Variants in IFT74 observed in about 807,000 individuals in gnomAD.
IFT74 encodes intraflagellar transport protein 74 homolog.
IFT74 carries 92 observed loss-of-function variants against 96.7 expected under a neutral mutation model. The ratio of observed to expected loss-of-function variants is 0.95; its 90% confidence interval spans 0.80 to 1.13. The LOEUF (loss-of-function observed/expected upper bound fraction) is 1.13. Ranked by LOEUF, IFT74 falls within the 50% of genes most tolerant of loss-of-function variation. IFT74 has a pLI of 0.00. For synonymous variants in IFT74, 223 were observed against 213.2 expected (o/e 1.05, Z -0.40); for missense variants, 811 against 698.2 (o/e 1.16, Z -1.82).
intron 2 of IFT74, 146 bp downstream of exon 2, chr9:26,962,233 T>G (rs747334391): frequency 3.1e-6 from 2 of 651,144 alleles, no homozygotes; most frequent in Non-Finnish European, 5.2e-6. Flanking sequence ...ATCTGTTGAA[T>G]GCTTGTGCAT....
chr9:27,062,781 T>C lies in IFT74; in HGVS notation c.*45T>C, dbSNP rs1820486156. 9.1e-6 allele frequency: 9 copies of C among 993,924 alleles called. No homozygotes were observed. Among genetic ancestry groups the C allele is most frequent in the African/African-American group, 1.7e-5 (1 of 58,992 alleles). 61.6% of individuals were successfully genotyped at this position (993,924 alleles called of 1,614,324 possible). On this transcript the variant is annotated 3_prime_UTR_variant, in exon 20 of 20. Coordinates refer to ENST00000380062, the MANE Select transcript of IFT74 (RefSeq NM_025103.4). ...CTCTAAGGAAGTATCCTCTTGCTGC[T>C]AAACTTGGTACAAGTTGACTACCAA...
At chr9:26,973,466 G>C (rs1364568564) in intron 2 of IFT74, among the ~76,000 whole-genome samples, 3 of 152,100 alleles carry the variant, frequency 2.0e-5, no homozygotes, top group African/African-American at 7.2e-5. Context: ...TCTATTGGGG[G>C]AACTTGAAGT....
chr9:27,034,875 G>T (rs1248150001), intron 13 of IFT74, among the ~76,000 whole-genome samples: 2 of 152,182 alleles, frequency 1.3e-5, no homozygotes, highest in African/African-American at 4.8e-5. Flanking sequence ...AGAATGCCTG[G>T]ATTCAAATCC....
At chr9:26,991,832 C>G (rs536765512) in intron 8 of IFT74, among the ~76,000 whole-genome samples, 118 of 152,082 alleles carry the variant, frequency 7.8e-4, no homozygotes, top group African/African-American at 1.4e-3. Flanking sequence ...AGATCAAGAC[C>G]ATCCTGGCCA....
At chr9:27,024,735 G>A (rs1177581994) in intron 12 of IFT74, among the ~76,000 whole-genome samples, 1 of 151,668 alleles carries the variant, frequency 6.6e-6, no homozygotes, top group Non-Finnish European at 1.5e-5. Context: ...AGCAGAGAAA[G>A]GTGAAAACCA....
intron 16 of IFT74, among the ~76,000 whole-genome samples, chr9:27,055,123 A>G (rs552145585): frequency 2.6e-4 from 39 of 152,326 alleles, no homozygotes; most frequent in African/African-American, 7.9e-4. Flanking sequence ...TTTGGGAGCA[A>G]TAGTTCAATA....
chr9:26,985,425 TA>T (rs1827590304), intron 6 of IFT74, among the ~76,000 whole-genome samples: 1 of 152,124 alleles, frequency 6.6e-6, no homozygotes, highest in African/African-American at 2.4e-5. Flanking sequence ...CCTGCACATG[TA>T]CCCCTGAACC....
intron 11 of IFT74, 142 bp from the exon 12 acceptor site, chr9:27,018,505 G>A (rs1462752666): frequency 9.0e-6 from 4 of 442,858 alleles, no homozygotes; most frequent in Middle Eastern, 6.1e-4. Flanking sequence ...AACTTCAAAG[G>A]TTGAAATCTA....
At chr9:27,002,009 G>A (rs117921008) in intron 8 of IFT74, among the ~76,000 whole-genome samples, 1,545 of 151,870 alleles carry the variant, frequency 0.01, 14 homozygotes, top group Middle Eastern at 0.024. Flanking sequence ...CAGGATGCAC[G>A]TCTGGGGGGT....
chr9:26,985,482 G>A (rs1005170327), intron 6 of IFT74, among the ~76,000 whole-genome samples: 1 of 151,846 alleles, frequency 6.6e-6, no homozygotes, highest in Admixed American at 6.6e-5. Flanking sequence ...AACATTTGAT[G>A]AAAAAATATA....
chr9:27,008,954 G>A, intron 8 of IFT74, 66 bp from the exon 9 acceptor site: 2 of 1,276,042 alleles, frequency 1.6e-6, no homozygotes, highest in Non-Finnish European at 2.2e-6. Context: ...ACCATGACTT[G>A]TATAAAATAA....
Position 26,991,376 on chromosome 9 carries a change from A to G in IFT74, c.587+1181A>G, listed in dbSNP as rs533353643. Among the ~76,000 whole-genome samples the G allele has an allele frequency of 3.3e-5, 5 of 152,164 alleles. No individual in the cohort carries two copies. The East Asian group carries it at 7.7e-4, about 24-fold the overall frequency. ...GCTGAGACTACAGGTGCATGCCACT[A>G]TGCCCAGCTAATTTTTTGTTTCTTG... On this transcript the variant is annotated intron_variant, in intron 8 of 19. Transcript: ENST00000380062.
At chr9:26,981,805 T>C (rs1318271594) in intron 4 of IFT74, among the ~76,000 whole-genome samples, 1 of 151,576 alleles carries the variant, frequency 6.6e-6, no homozygotes, top group Non-Finnish European at 1.5e-5. Context: ...TCTCACTCTG[T>C]CGCCCAGGCT....
intron 8 of IFT74, among the ~76,000 whole-genome samples, chr9:27,008,515 C>T (rs1828895108): frequency 6.6e-6 from 1 of 151,934 alleles, no homozygotes; most frequent in African/African-American, 2.4e-5. Flanking sequence ...CCCGCCACCA[C>T]GTGTGGCTAA....
intron 16 of IFT74, among the ~76,000 whole-genome samples, chr9:27,054,777 T>C (rs1324111525): frequency 5.9e-5 from 9 of 152,222 alleles, no homozygotes; most frequent in Admixed American, 5.9e-4. Flanking sequence ...TCAGTTCTCA[T>C]ACTATAAAGA....
At chr9:27,037,908 C>T (rs1260277342) in intron 13 of IFT74, among the ~76,000 whole-genome samples, 1 of 152,218 alleles carries the variant, frequency 6.6e-6, no homozygotes, top group African/African-American at 2.4e-5. Context: ...TCACAGCCAT[C>T]CCTGATCTCT....
intron 19 of IFT74, among the ~76,000 whole-genome samples, chr9:27,061,856 G>A (rs1231619398): frequency 2.0e-5 from 3 of 152,080 alleles, no homozygotes; most frequent in East Asian, 3.9e-4. Flanking sequence ...CTACAAAGAT[G>A]ATACTTATGT....
At chr9:26,989,720 G>T (rs916512627) in intron 7 of IFT74, among the ~76,000 whole-genome samples, 2 of 152,132 alleles carry the variant, frequency 1.3e-5, no homozygotes, top group African/African-American at 4.8e-5. Flanking sequence ...TCTAGGCTGG[G>T]TGTGCACAGG....
At chr9:27,019,554 AAATT>A (rs2131622864) in intron 12 of IFT74, among the ~76,000 whole-genome samples, 2 of 151,774 alleles carry the variant, frequency 1.3e-5, no homozygotes, top group East Asian at 3.9e-4. Flanking sequence ...TTGGAAATAA[AAATT>A]AATAAAATAC....
Sources: allele counts gnomAD v4.1 joint callset (sites outside exome capture counted in the v4.1 genomes callset), GRCh38; gene constraint gnomAD v4.1.1; transcripts MANE v1.5; gene names NCBI Gene and HGNC (gene_info 2026-07-23, HGNC 2026-07-21).